The following RBFOX1 variants were observed in gnomAD, a reference collection of about 807,000 sequenced individuals.
RBFOX1 encodes RNA binding protein fox-1 homolog 1.
A neutral mutation model predicts 57.7 loss-of-function variants in RBFOX1; 8 were observed. The ratio of observed to expected loss-of-function variants is 0.14; its 90% CI spans 0.08 to 0.25. RBFOX1 has a LOEUF of 0.25. RBFOX1 is among the 10% of genes least tolerant of loss of function. The probability of loss-of-function intolerance (pLI) is 1.00; values close to 1 mark genes in which losing one functional copy is unlikely to be tolerated. For missense variants in RBFOX1, 611 were observed against 548.5 expected (o/e 1.11, Z -1.14); for synonymous variants, 326 against 222.4 (o/e 1.47, Z -4.15).
intron 4 of RBFOX1, among the ~76,000 whole-genome samples, chr16:5,944,849 C>G (rs190043930): frequency 7.1e-6 from 1 of 141,510 alleles, no homozygotes; most frequent in African/African-American, 2.7e-5. Flanking sequence ...GTCCCAGCTA[C>G]TCAGGAGGCA....
At chr16:7,113,591 A>G (rs1298759306) in intron 4 of RBFOX1, among the ~76,000 whole-genome samples, 1 of 152,208 alleles carries the variant, frequency 6.6e-6, no homozygotes, top group Non-Finnish European at 1.5e-5. Context: ...TGATGAATGT[A>G]TGCAAATTAT....
chr16:6,660,224 T>TAA (rs112347010), intron 3 of RBFOX1, among the ~76,000 whole-genome samples: 16 of 122,764 alleles, frequency 1.3e-4, no homozygotes, highest in Admixed American at 1.6e-4. Flanking sequence ...GACTTCATCT[T>TAA]AAAAAAAAAA....
intron 1 of RBFOX1, among the ~76,000 whole-genome samples, chr16:5,451,866 C>G (rs1339529161): frequency 1.3e-5 from 2 of 151,424 alleles, no homozygotes; most frequent in East Asian, 3.9e-4. Flanking sequence ...CCTACAACTC[C>G]CAGCTGCCCA....
chr16:7,418,118 C>A (rs966327067), intron 4 of RBFOX1, among the ~76,000 whole-genome samples: 3 of 152,156 alleles, frequency 2.0e-5, no homozygotes, highest in Admixed American at 1.3e-4. Context: ...ACCTCTCCCC[C>A]ACGGCCAACC....
At chr16:7,599,348 A>C (rs139962891) in intron 9 of RBFOX1, among the ~76,000 whole-genome samples, 1 of 152,360 alleles carries the variant, frequency 6.6e-6, no homozygotes, top group African/African-American at 2.4e-5. Flanking sequence ...CTGAGTGAGA[A>C]ACTGGAGCGA....
intron 4 of RBFOX1, among the ~76,000 whole-genome samples, chr16:7,144,417 C>T (rs59149009): frequency 7.5e-5 from 5 of 66,920 alleles, no homozygotes; most frequent in East Asian, 4.7e-4. Context: ...TTTCTTTCTT[C>T]TTTTTTTTTT....
At chr16:5,560,517 G>C (rs1597532302) in intron 2 of RBFOX1, among the ~76,000 whole-genome samples, 1 of 152,178 alleles carries the variant, frequency 6.6e-6, no homozygotes, top group Admixed American at 6.5e-5. Context: ...AGGAGGGCAA[G>C]GCCCCTGGAT....
At chr16:6,513,140 CT>C (rs1567510526) in intron 2 of RBFOX1, among the ~76,000 whole-genome samples, 1 of 152,204 alleles carries the variant, frequency 6.6e-6, no homozygotes, top group Non-Finnish European at 1.5e-5. Context: ...TAAGTGAAAT[CT>C]TAGGTAGCTC....
intron 2 of RBFOX1, among the ~76,000 whole-genome samples, chr16:6,529,881 T>G (rs1236199899): frequency 6.6e-6 from 1 of 152,138 alleles, no homozygotes; most frequent in Non-Finnish European, 1.5e-5. Context: ...GATATAAACA[T>G]GAGGTGACTT....
At chr16:6,496,009 C>T (rs962352000) in intron 2 of RBFOX1, among the ~76,000 whole-genome samples, 1 of 152,170 alleles carries the variant, frequency 6.6e-6, no homozygotes, top group Non-Finnish European at 1.5e-5. Context: ...GTAAAGCCAT[C>T]TGTTGCAGTG....
chr16:6,221,934 C>T (rs5008170), intron 1 of RBFOX1, among the ~76,000 whole-genome samples: 142,664 of 152,184 alleles, frequency 0.94, 67,534 homozygotes, highest in East Asian at 1. Context: ...ACCGTATCAA[C>T]CAATATATGA....
At chr16:7,548,250 C>T (rs578250988) in intron 5 of RBFOX1, among the ~76,000 whole-genome samples, 1 of 152,162 alleles carries the variant, frequency 6.6e-6, no homozygotes, top group Non-Finnish European at 1.5e-5. Flanking sequence ...TGGCTCACTG[C>T]AATCTCTGAC....
chr16:6,931,291 G>T (rs867143559), intron 3 of RBFOX1, among the ~76,000 whole-genome samples: 1 of 124,036 alleles, frequency 8.1e-6, no homozygotes, highest in Non-Finnish European at 1.7e-5. Context: ...CTGTCTGTCT[G>T]TCTGTCTATC....
chr16:6,424,248 A>G (rs540576251), intron 2 of RBFOX1, among the ~76,000 whole-genome samples: 5 of 152,316 alleles, frequency 3.3e-5, no homozygotes, highest in African/African-American at 1.2e-4. Context: ...AAAACGAAAC[A>G]AAACAAATGA....
At chr16:5,419,270 G>A (rs760389944) in intron 1 of RBFOX1, among the ~76,000 whole-genome samples, 32 of 152,294 alleles carry the variant, frequency 2.1e-4, no homozygotes, top group African/African-American at 7.5e-4. Context: ...ATAGTAGGCC[G>A]TCTACAAGCT....
chr16:5,701,329 A>G (rs1309347471), intron 3 of RBFOX1, among the ~76,000 whole-genome samples: 3 of 152,254 alleles, frequency 2.0e-5, no homozygotes, highest in Non-Finnish European at 4.4e-5. Flanking sequence ...AAAGGAAATC[A>G]TTTGAAAGTT....
At chr16:6,909,342 C>A (rs1004962458) in intron 3 of RBFOX1, among the ~76,000 whole-genome samples, 2 of 152,194 alleles carry the variant, frequency 1.3e-5, no homozygotes, top group Non-Finnish European at 2.9e-5. Flanking sequence ...TTGTAAGGAA[C>A]TTTGTGATTA....
chr16:5,698,714 T>C (rs1163566596), intron 3 of RBFOX1, among the ~76,000 whole-genome samples: 1 of 152,170 alleles, frequency 6.6e-6, no homozygotes, highest in Non-Finnish European at 1.5e-5. Flanking sequence ...TATTAACTGA[T>C]TAATGAATAA....
chr16:6,642,376 C>A (rs1009297729), intron 2 of RBFOX1, among the ~76,000 whole-genome samples: 2 of 152,144 alleles, frequency 1.3e-5, no homozygotes, highest in South Asian at 4.2e-4. Context: ...CGCTGTGATG[C>A]CAATGCATAG....
Sources: allele counts gnomAD v4.1 joint callset (sites outside exome capture counted in the v4.1 genomes callset), GRCh38; gene constraint gnomAD v4.1.1; transcripts MANE v1.5; gene names NCBI Gene and HGNC (gene_info 2026-07-23, HGNC 2026-07-21).